Variants in FYB2 observed in about 807,000 individuals in gnomAD.
FYB2 encodes FYN binding protein 2, also known as FYN-binding protein 2.
A neutral mutation model predicts 94.1 loss-of-function variants in FYB2; 103 were observed. That is an observed-to-expected ratio of 1.09 (90% CI 0.93 to 1.29). FYB2 has a LOEUF of 1.29. Among genes scored for constraint, FYB2 ranks in the 50% most tolerant of loss-of-function variants. The probability of loss-of-function intolerance (pLI) is 0.00; values close to 1 mark genes in which losing one functional copy is unlikely to be tolerated. For missense variants in FYB2, 896 were observed against 841.5 expected, an observed-to-expected ratio of 1.06 and a Z score of -0.80; for synonymous variants, 293 against 287.9, an observed-to-expected ratio of 1.02 and a Z score of -0.18.
At chr1:56,781,244 T>C (rs1317502155) in intron 4 of FYB2, among the ~76,000 whole-genome samples, 1 of 152,226 alleles carries the variant, frequency 6.6e-6, no homozygotes, top group Non-Finnish European at 1.5e-5. Context: ...AGGATCCTTC[T>C]TGTCTTGCAC....
At chr1:56,773,302 CCT>C (rs1445066376) in intron 4 of FYB2, among the ~76,000 whole-genome samples, 1 of 152,178 alleles carries the variant, frequency 6.6e-6, no homozygotes, top group Non-Finnish European at 1.5e-5. Context: ...AATTAGTTAA[CCT>C]CTGTATTAGG....
Position 56,728,019 on chromosome 1 carries a change from T to C in FYB2, c.1794-1436A>G, listed in dbSNP as rs183486970. ...CTGGGCAACATAGTAAGACCTCATC[T>C]CAAACAAAAGAGAAAAAGAATTTAT... On this transcript the variant is annotated intron_variant, in intron 15 of 19. Transcript: ENST00000343433. 1.1e-3 allele frequency among the ~76,000 whole-genome samples: 161 copies of C among 152,182 alleles called. 1 individual carries two copies. Among genetic ancestry groups the C allele is most frequent in the African/African-American group, 3.7e-3 (155 of 41,554 alleles).
At chr1:56,821,511 CTG>C (rs1015697849), upstream of FYB2, among the ~76,000 whole-genome samples, 3 of 152,162 alleles carry the variant, frequency 2.0e-5, no homozygotes, top group African/African-American at 7.2e-5. Flanking sequence ...AAAGTCAACT[CTG>C]AGATGTATGT....
chr1:56,762,451 T>C (rs1645519578), intron 5 of FYB2, among the ~76,000 whole-genome samples: 1 of 152,328 alleles, frequency 6.6e-6, no homozygotes, highest in Non-Finnish European at 1.5e-5. Context: ...TCATGCTTTG[T>C]AGGATTTAAA....
chr1:56,735,379 G>A (rs954381319), intron 15 of FYB2, among the ~76,000 whole-genome samples: 2 of 152,134 alleles, frequency 1.3e-5, no homozygotes, highest in African/African-American at 4.8e-5. Flanking sequence ...AGCACGACAT[G>A]TTCTCACTCA....
chr1:56,815,361 C>G (rs1646859548), intron 1 of FYB2, among the ~76,000 whole-genome samples: 1 of 152,154 alleles, frequency 6.6e-6, no homozygotes, highest in Non-Finnish European at 1.5e-5. Flanking sequence ...CTCAGTGCTT[C>G]CATCAAAGCT....
At chr1:56,815,694 C>G (rs1042937795) in intron 1 of FYB2, among the ~76,000 whole-genome samples, 1 of 152,086 alleles carries the variant, frequency 6.6e-6, no homozygotes, top group African/African-American at 2.4e-5. Context: ...TATTTGAGAA[C>G]TCTCCCACCT....
chr1:56,758,866 C>CA, intron 5 of FYB2, 116 bp from the exon 6 acceptor site: 2 of 686,182 alleles, frequency 2.9e-6, no homozygotes, highest in Non-Finnish European at 4.6e-6. Context: ...CCTTTAAGAA[C>CA]ATCAGACTAT....
intron 2 of FYB2, among the ~76,000 whole-genome samples, chr1:56,791,451 T>C (rs72909380): frequency 0.026 from 3,929 of 152,240 alleles, 162 homozygotes; most frequent in African/African-American, 0.083. Context: ...AGATGGGGTT[T>C]TGCCATATTA....
chr1:56,719,476 C>A lies in FYB2; in HGVS notation c.*195G>T, dbSNP rs1363575044. The A allele has an allele frequency of 3.5e-5, 19 of 539,312 alleles. No individual in the cohort carries two copies. Among genetic ancestry groups the A allele is most frequent in the Non-Finnish European group, 6.2e-5 (19 of 307,274 alleles). 33.4% of individuals were successfully genotyped at this position (539,312 alleles called of 1,614,324 possible). ...TACTGAAATAGACATTGAAAGATAA[C>A]CTTTTAGGAGTAAAACCAACATCTA... On this transcript the variant is annotated 3_prime_UTR_variant, in exon 20 of 20. Transcript: ENST00000343433.
chr1:56,761,074 C>T (rs959480618), intron 5 of FYB2, among the ~76,000 whole-genome samples: 3 of 152,118 alleles, frequency 2.0e-5, no homozygotes, highest in Non-Finnish European at 2.9e-5. Context: ...GAAGATGGTC[C>T]TCAGCAATCC....
intron 15 of FYB2, among the ~76,000 whole-genome samples, chr1:56,731,213 G>T (rs1644702014): frequency 6.6e-6 from 1 of 152,116 alleles, no homozygotes; most frequent in Non-Finnish European, 1.5e-5. Context: ...CCAGAAAGAG[G>T]GTAGGTGGCA....
chr1:56,728,032 A>G (rs1246622582), intron 15 of FYB2, among the ~76,000 whole-genome samples: 3 of 152,060 alleles, frequency 2.0e-5, no homozygotes, highest in Non-Finnish European at 4.4e-5. Flanking sequence ...AACAAAAGAG[A>G]AAAAGAATTT....
chr1:56,734,152 C>T (rs1415618826), intron 15 of FYB2, among the ~76,000 whole-genome samples: 3 of 152,102 alleles, frequency 2.0e-5, no homozygotes, highest in African/African-American at 7.2e-5. Flanking sequence ...GAATTGATCC[C>T]TTTACCATAA....
At chr1:56,787,403 C>T (rs997029745) in intron 3 of FYB2, among the ~76,000 whole-genome samples, 195 bp from the exon 4 acceptor site, 18 of 152,346 alleles carry the variant, frequency 1.2e-4, no homozygotes, top group Admixed American at 4.6e-4. Context: ...CCACACTTTA[C>T]AGTACAATTT....
At chr1:56,722,472 G>C (rs1160769654) in intron 17 of FYB2, among the ~76,000 whole-genome samples, 1 of 152,042 alleles carries the variant, frequency 6.6e-6, no homozygotes, top group African/African-American at 2.4e-5. Flanking sequence ...AACAGAAGAA[G>C]AGTAATTTAT....
chr1:56,740,849 T>C, intron 12 of FYB2, 54 bp from the exon 13 acceptor site: 2 of 1,204,254 alleles, frequency 1.7e-6, no homozygotes, highest in Non-Finnish European at 2.4e-6. Flanking sequence ...GTACTAGAGA[T>C]AGAAGGCTGT....
rs759460902 is a variant in FYB2 at position 56,753,911 on chromosome 1, C to T, written c.1155G>A (p.Met385Ile). The T allele has an allele frequency of 3.5e-5, 56 of 1,609,210 alleles. No homozygotes were observed. The highest frequency in any genetic ancestry group is 4.6e-5 in the Non-Finnish European group (54 of 1,176,708). Residue 385 changes from methionine to isoleucine, a missense_variant, in exon 8 of 20, where the codon ATG becomes ATA. Coordinates refer to ENST00000343433, the MANE Select transcript of FYB2 (RefSeq NM_001004303.5). ...EPSAKHEDKKMKEKQPCELKP... is the reference protein window; with the variant it reads ...EPSAKHEDKKIKEKQPCELKP... ...TCAATTCACATGGTTGTTTTTCCTT[C>T]ATTTTTTTATCTTCATGTTTAGCAC...
intron 17 of FYB2, among the ~76,000 whole-genome samples, chr1:56,723,123 T>C (rs192164708): frequency 6.6e-6 from 1 of 152,142 alleles, no homozygotes; most frequent in African/African-American, 2.4e-5. Context: ...TACAGTTTTA[T>C]GTCAGGCCCT....
Sources: gnomAD v4.1 joint callset for allele counts (sites outside exome capture counted in the v4.1 genomes callset) on GRCh38, gnomAD v4.1.1 for gene constraint, MANE v1.5 for transcripts, NCBI Gene and HGNC (gene_info 2026-07-23, HGNC 2026-07-21) for gene names.